The following UBR2 variants were observed in gnomAD, a reference collection of about 807,000 sequenced individuals.
UBR2 encodes ubiquitin protein ligase E3 component n-recognin 2.
In UBR2, 92 loss-of-function variants were observed where a neutral mutation model predicts 247.9. The ratio of observed to expected loss-of-function variants is 0.37; its 90% CI spans 0.31 to 0.44. UBR2 has a LOEUF of 0.44. Among genes scored for constraint, UBR2 ranks in the 20% least tolerant of loss-of-function variants. The probability of loss-of-function intolerance (pLI) is 1.00; values close to 1 mark genes in which losing one functional copy is unlikely to be tolerated. For synonymous variants in UBR2, 672 were observed against 693.5 expected, an observed-to-expected ratio of 0.97 and a Z score of 0.49; for missense variants, 1,613 against 2,112.6, an observed-to-expected ratio of 0.76 and a Z score of 4.64.
intron 2 of UBR2, among the ~76,000 whole-genome samples, chr6:42,578,731 G>A (rs911353453): frequency 6.6e-6 from 1 of 151,986 alleles, no homozygotes; most frequent in African/African-American, 2.4e-5. Context: ...GAAGACCTAC[G>A]TATTTCCATG....
chr6:42,605,133 C>G (rs910005850), intron 5 of UBR2, among the ~76,000 whole-genome samples: 1 of 152,132 alleles, frequency 6.6e-6, no homozygotes, highest in Admixed American at 6.5e-5. Flanking sequence ...TCCTTGTGCT[C>G]CATCTCCCAG....
At chr6:42,599,478 A>G (rs1793214868) in intron 4 of UBR2, among the ~76,000 whole-genome samples, 1 of 152,180 alleles carries the variant, frequency 6.6e-6, no homozygotes, top group Non-Finnish European at 1.5e-5. Flanking sequence ...TGTCCCACAT[A>G]GGAAATTATG....
rs201644942 is a variant in UBR2, at chr6:42,659,512, AAT to A, written c.3243-136_3243-135del. On this transcript the variant is annotated intron_variant, in intron 29 of 46. Transcript: ENST00000372901. The surrounding 1 kb of genome is among the most constrained non-coding windows in gnomAD (Gnocchi z 4.3). ...AAGACTCTGTCTCAAAAAATAAATA[AAT>A]ATATATACACACACACACACACACA... The A allele has an allele frequency of 1.6e-3, 851 of 523,086 alleles. 4 individuals are homozygous for A. Among genetic ancestry groups the A allele is most frequent in the African/African-American group, 5.4e-3 (163 of 29,950 alleles). The allele number at this position is 523,086 out of a possible 1,614,324, so 32.4% of individuals were successfully genotyped here.
chr6:42,658,231 T>A lies in UBR2; in HGVS notation c.2983-9T>A, dbSNP rs146687977. On this transcript the variant is annotated splice_polypyrimidine_tract_variant and intron_variant, in intron 27 of 46. Transcript: ENST00000372901. ...TTCATACAGGATACTGATACTTTTT[T>A]TTTTGTAGACTTTTAATGCTGTTAA... is the stretch of plus-strand genomic sequence containing the variant. 176 of 1,612,934 alleles carry A rather than the reference T, an allele frequency of 1.1e-4. No individual in the cohort carries two copies. The African/African-American group carries it at 2.1e-3, about 19-fold the overall frequency.
Position 42,617,579 on chromosome 6 carries a change from A to G in UBR2, c.1281+72A>G. 3.8e-6 allele frequency: 5 copies of G among 1,318,018 alleles called. No homozygotes were observed. The South Asian group carries it at 6.4e-5, about 17-fold the overall frequency. 81.6% of individuals were successfully genotyped at this position (1,318,018 alleles called of 1,614,324 possible). On this transcript the variant is annotated intron_variant, in intron 11 of 46. Coordinates refer to ENST00000372901, the MANE Select transcript of UBR2 (RefSeq NM_001363705.2). ...AGGCCTTAAAATAATAGAGAACTAAAGTCTGTATATTCCTGAAAAGAATAG... is the reference window on the plus strand; with the variant it reads ...AGGCCTTAAAATAATAGAGAACTAAGGTCTGTATATTCCTGAAAAGAATAG...
chr6:42,621,661 C>T (rs1395294751), intron 11 of UBR2, among the ~76,000 whole-genome samples: 1 of 151,982 alleles, frequency 6.6e-6, no homozygotes, highest in East Asian at 1.9e-4. Flanking sequence ...GGGGTTTTGC[C>T]ATGTTGGTCA....
chr6:42,690,395 G>C (rs972100388), intron 46 of UBR2, among the ~76,000 whole-genome samples: 1 of 152,170 alleles, frequency 6.6e-6, no homozygotes, highest in Admixed American at 6.5e-5. Context: ...CTGTTAGGAG[G>C]AGGAGAGTCT....
At chr6:42,685,496 G>A (rs542525011) in intron 44 of UBR2, among the ~76,000 whole-genome samples, 1 of 146,456 alleles carries the variant, frequency 6.8e-6, no homozygotes, top group East Asian at 2.0e-4. Flanking sequence ...GACGAGTCTC[G>A]CTCTGTTGCC....
At chr6:42,627,872 A>G (rs1030504918) in intron 11 of UBR2, among the ~76,000 whole-genome samples, 5 of 152,118 alleles carry the variant, frequency 3.3e-5, no homozygotes, top group Non-Finnish European at 7.3e-5. Flanking sequence ...CATTCCTCCC[A>G]AAGTTAGTTT....
chr6:42,669,034 A>G (rs183626548), intron 34 of UBR2, among the ~76,000 whole-genome samples: 3 of 151,714 alleles, frequency 2.0e-5, no homozygotes, highest in Non-Finnish European at 4.4e-5. Flanking sequence ...AGGGATTCTC[A>G]TGCCTCAGCC....
Position 42,674,121 on chromosome 6 carries a change from T to G in UBR2, c.4184-5T>G. 1 of 1,612,910 alleles carries G rather than the reference T, an allele frequency of 6.2e-7. No homozygotes were observed. The highest frequency in any genetic ancestry group is 8.5e-7 in the Non-Finnish European group (1 of 1,179,508). On this transcript the variant is annotated splice_polypyrimidine_tract_variant and splice_region_variant and intron_variant, in intron 37 of 46. Coordinates refer to ENST00000372901, the MANE Select transcript of UBR2 (RefSeq NM_001363705.2). ...ATGCTAATGTATTTCTCTTTAAATC[T>G]GTAGCACTGGTGCCTAATGACAGCC...
rs140945748 is a variant in UBR2 at position 42,647,291 on chromosome 6, A to G, written c.2410-827A>G. Among the ~76,000 whole-genome samples the G allele has an allele frequency of 4.2e-3, 632 of 152,130 alleles. 6 individuals are homozygous for G. The highest frequency in any genetic ancestry group is 0.014 in the African/African-American group (600 of 41,538). On this transcript the variant is annotated intron_variant, in intron 21 of 46. Coordinates refer to ENST00000372901, the MANE Select transcript of UBR2 (RefSeq NM_001363705.2). ...TCAAAAAGCATTTTTTAAGTGGTTT[A>G]AGATTGTCGGCCGGGCACAGTGGCT...
Position 42,637,581 on chromosome 6 carries a change from C to T in UBR2, c.1858+387C>T, listed in dbSNP as rs1368079235. Among the ~76,000 whole-genome samples the T allele has an allele frequency of 1.3e-5, 2 of 152,200 alleles. 1 individual carries two copies. Among genetic ancestry groups the T allele is most frequent in the Non-Finnish European group, 2.9e-5 (2 of 68,034 alleles). On this transcript the variant is annotated intron_variant, in intron 15 of 46. Coordinates refer to ENST00000372901, the MANE Select transcript of UBR2 (RefSeq NM_001363705.2). ...GTTGTTACCATTCAAATTAATCTGT[C>T]ACTTAAGCAATTGCTAATCATTTGA...
Position 42,659,520 on chromosome 6 carries a change from TACACACACAC to T in UBR2, c.3243-103_3243-94del, listed in dbSNP as rs59248267. On this transcript the variant is annotated intron_variant, in intron 29 of 46. Transcript: ENST00000372901. This position sits in a 1 kb window ranked among gnomAD's most constrained non-coding sequence, Gnocchi z 4.3. The stretch of plus-strand genomic sequence containing the variant: ...GTCTCAAAAAATAAATAAATATATA[TACACACACAC>T]ACACACACACACACACACACACACA... 3,305 of 500,484 alleles carry T rather than the reference TACACACACAC, an allele frequency of 6.6e-3. 11 individuals carry two copies. Among genetic ancestry groups the T allele is most frequent in the African/African-American group, 0.012 (576 of 48,006 alleles). The allele number at this position is 500,484 out of a possible 1,614,324, so 31.0% of individuals were successfully genotyped here. A position where few individuals can be genotyped will look rare whatever the true frequency, so the allele number is the denominator to read the frequency against.
chr6:42,693,036 T>TA lies in UBR2; in HGVS notation c.*1864dup. 1 of 152,324 alleles carries TA rather than the reference T, an allele frequency of 6.6e-6. No individual in the cohort carries two copies. Among genetic ancestry groups the TA allele is most frequent in the Middle Eastern group, 3.4e-3 (1 of 294 alleles). 9.4% of individuals were successfully genotyped at this position (152,324 alleles called of 1,614,324 possible). On this transcript the variant is annotated 3_prime_UTR_variant, in exon 47 of 47. Transcript: ENST00000372901. ...GTAAGCTTCTTTTGGCTTTTTTTCA[T>TA]ATGTTCACCAAGCTAAAATTTAAAA...
rs771985032 is a variant in UBR2 at position 42,632,615 on chromosome 6, T to C, written c.1345T>C (p.Leu449=). ...TATCATTAAGACTTTTATGGATCATTTGAGACATCGAGATGCCCAGGGCAG... is the reference window on the plus strand; with the variant it reads ...TATCATTAAGACTTTTATGGATCATCTGAGACATCGAGATGCCCAGGGCAG... ...SIIIKTFMDH[L]RHRDAQGRFQ... The change falls in exon 12 of 47, where the codon TTG becomes CTG. Residue 449 remains leucine (L), a synonymous_variant. Transcript: ENST00000372901. 1.2e-6 allele frequency: 2 copies of C among 1,613,620 alleles called. No homozygotes were observed. The highest frequency in any genetic ancestry group is 1.7e-6 in the Non-Finnish European group (2 of 1,179,828).
At position 42,614,205 on chromosome 6, in the gene UBR2, A is replaced by AAAAATATAT. The variant is rs1562310782; in HGVS notation, c.986-866_986-865insAAAATATAT. ...AAAAAAAAAAAAAAAAAAAAAAAAA[A>AAAAATATAT]CTATATATATATACACACACACACA... is the stretch of plus-strand genomic sequence containing the variant. On this transcript the variant is annotated intron_variant, in intron 8 of 46. Coordinates refer to ENST00000372901, the MANE Select transcript of UBR2 (RefSeq NM_001363705.2). Among the ~76,000 whole-genome samples the AAAAATATAT allele has an allele frequency of 7.5e-5, 2 of 26,614 alleles. 1 individual carries two copies. The highest frequency in any genetic ancestry group is 1.3e-4 in the Non-Finnish European group (2 of 14,880). 17.5% of individuals were successfully genotyped at this position (26,614 alleles called of 152,430 possible). A position where few individuals can be genotyped will look rare whatever the true frequency, so the allele number is the denominator to read the frequency against.
Position 42,617,454 on chromosome 6 carries a change from A to G in UBR2, c.1228A>G (p.Arg410Gly). 6.4e-7 allele frequency: 1 copy of G among 1,564,544 alleles called. No homozygotes were observed. Among genetic ancestry groups the G allele is most frequent in the Non-Finnish European group, 8.7e-7 (1 of 1,153,798 alleles). The change falls in exon 11 of 47, where the codon AGA becomes GGA. Residue 410 changes from arginine to glycine, a missense_variant. Physicochemically the swap from Arg to Gly is moderately radical, Grantham distance 125 (BLOSUM62 -2). Around this residue, in one of 3 missense-constraint regions of UBR2, gnomAD observed 1,524 missense variants for 1,967.3 expected, o/e 0.77. Transcript: ENST00000372901. ...QSDYVTDDHDREFSVADLSVQ... is the reference protein window; with the variant it reads ...QSDYVTDDHDGEFSVADLSVQ... Reference sequence around the variant, plus strand: ...TGATTATGTGACAGATGACCACGACAGAGAGTTTTCAGTCGCAGACCTCTC... The same window carrying G: ...TGATTATGTGACAGATGACCACGACGGAGAGTTTTCAGTCGCAGACCTCTC...
At chr6:42,646,816 TATATAG>T (rs1254849241) in intron 21 of UBR2, among the ~76,000 whole-genome samples, 186 of 148,982 alleles carry the variant, frequency 1.2e-3, no homozygotes, top group African/African-American at 4.3e-3. Flanking sequence ...TTTATATATA[TATATAG>T]AGAGAGAGAG....
Sources: gnomAD v4.1 joint callset for allele counts (sites outside exome capture counted in the v4.1 genomes callset) on GRCh38, gnomAD v4.1.1 for gene constraint, gnomAD v4.1.1 regional missense constraint, Gnocchi (gnomAD v3.1) non-coding constraint, MANE v1.5 for transcripts, NCBI Gene and HGNC (gene_info 2026-07-23, HGNC 2026-07-21) for gene names.